Variants in WASF3 observed in about 807,000 individuals in gnomAD.
WASF3 encodes the protein WASP family member 3.
WASF3 carries 11 observed loss-of-function variants against 46.6 expected under a neutral mutation model. The observed-to-expected ratio is 0.24, with a 90% CI of 0.15 to 0.39. The LOEUF (loss-of-function observed/expected upper bound fraction) is 0.39. WASF3 is among the 10% of genes least tolerant of loss of function. WASF3 has a pLI of 1.00. For missense variants in WASF3, 576 were observed against 669.8 expected (o/e 0.86, Z 1.55); for synonymous variants, 242 against 259.7 (o/e 0.93, Z 0.65).
chr13:26,546,320 T>C, the WASF3 span, among the ~76,000 whole-genome samples: 4 of 152,256 alleles, frequency 2.6e-5, no homozygotes, highest in African/African-American at 9.6e-5. Context: ...TCATTTTTGT[T>C]TGTTTGTTTC....
intron 1 of WASF3, among the ~76,000 whole-genome samples, chr13:26,594,094 T>C (rs1215967878): frequency 6.6e-6 from 1 of 152,230 alleles, no homozygotes; most frequent in Non-Finnish European, 1.5e-5. Context: ...AACAAAAGTA[T>C]TCCAATTTAT....
chr13:26,551,827 G>A, the WASF3 span, among the ~76,000 whole-genome samples: 3 of 152,208 alleles, frequency 2.0e-5, no homozygotes, highest in African/African-American at 7.2e-5. Flanking sequence ...TTATCCTGTA[G>A]ACAGTGGGAG....
chr13:26,668,591 G>A (rs960792464), intron 5 of WASF3, among the ~76,000 whole-genome samples: 1 of 152,384 alleles, frequency 6.6e-6, no homozygotes, highest in Middle Eastern at 3.4e-3. Context: ...ATCTCAGGGA[G>A]TGCATAGAAT....
At chr13:26,558,175 G>T (rs1042867936) in intron 1 of WASF3, among the ~76,000 whole-genome samples, 1 of 151,908 alleles carries the variant, frequency 6.6e-6, no homozygotes, top group African/African-American at 2.4e-5. Flanking sequence ...CGTAAGTGGC[G>T]CCCGGGCCTC....
At chr13:26,550,772 G>A in the WASF3 span, among the ~76,000 whole-genome samples, 1 of 152,186 alleles carries the variant, frequency 6.6e-6, no homozygotes, top group African/African-American at 2.4e-5. Flanking sequence ...GGCCAGGATT[G>A]TGTGTCTATT....
intron 1 of WASF3, among the ~76,000 whole-genome samples, chr13:26,574,383 GATTA>G (rs1879729451): frequency 6.6e-6 from 1 of 152,064 alleles, no homozygotes; most frequent in Admixed American, 6.5e-5. Flanking sequence ...AGTTCATAGA[GATTA>G]ATAATGTATT....
intron 1 of WASF3, among the ~76,000 whole-genome samples, chr13:26,589,125 A>T (rs964145546): frequency 6.6e-5 from 10 of 152,320 alleles, no homozygotes; most frequent in Non-Finnish European, 1.2e-4. Flanking sequence ...GAGGTTGAGC[A>T]TTCTTCCATG....
chr13:26,577,100 C>A, intron 1 of WASF3: 1 of 795,408 alleles, frequency 1.3e-6, no homozygotes, highest in Non-Finnish European at 2.2e-6. Flanking sequence ...GTGAGTCTTG[C>A]TGATTTGCAG....
intron 2 of WASF3, among the ~76,000 whole-genome samples, chr13:26,636,396 G>T (rs572673462): frequency 6.6e-6 from 1 of 152,332 alleles, no homozygotes; most frequent in Admixed American, 6.5e-5. Context: ...GAAGTGCCCT[G>T]TTTTTCCAGG....
intron 1 of WASF3, among the ~76,000 whole-genome samples, chr13:26,574,892 A>G (rs1879747264): frequency 6.7e-6 from 1 of 149,134 alleles, no homozygotes; most frequent in African/African-American, 2.5e-5. Flanking sequence ...GCTGGAGTGC[A>G]GTGGTGCGAT....
At position 26,687,812 on chromosome 13, in the gene WASF3, T is replaced by G. The variant is rs944121865; in HGVS notation, c.*1967T>G. The G allele has an allele frequency of 1.3e-5, 2 of 152,088 alleles. No individual in the cohort carries two copies. The highest frequency in any genetic ancestry group is 2.9e-5 in the Non-Finnish European group (2 of 68,020). 9.4% of individuals were successfully genotyped at this position (152,088 alleles called of 1,614,324 possible). On this transcript the variant is annotated 3_prime_UTR_variant, in exon 10 of 10. Transcript: ENST00000335327. ...GCAACTTTTAAAGTCTTACTTGTCT[T>G]TCTTGTTGCTTTTGTATTAGGAGTT...
Position 26,682,768 on chromosome 13 carries a change from C to T in WASF3, c.1145C>T (p.Pro382Leu), listed in dbSNP as rs1566075323. Residue 382 changes from proline to leucine, a missense_variant, in exon 9 of 10, where the codon CCT becomes CTT. Coordinates refer to ENST00000335327, the MANE Select transcript of WASF3 (RefSeq NM_006646.6). This position sits in a 1 kb window ranked among gnomAD's most constrained non-coding sequence, Gnocchi z 4.4. ...PASASSTHAAPPHPPSTGLLV... is the reference protein window; with the variant it reads ...PASASSTHAALPHPPSTGLLV... Reference sequence around the variant, plus strand: ...TCAGCCAGCTCCACGCACGCAGCTCCTCCTCACCCACCCTCCACCGGGCTC... The same window carrying T: ...TCAGCCAGCTCCACGCACGCAGCTCTTCCTCACCCACCCTCCACCGGGCTC... 2.5e-6 allele frequency: 4 copies of T among 1,612,838 alleles called. No individual in the cohort carries two copies. The highest frequency in any genetic ancestry group is 3.4e-6 in the Non-Finnish European group (4 of 1,180,032).
chr13:26,608,804 A>T (rs1417499162), intron 1 of WASF3, among the ~76,000 whole-genome samples: 1 of 152,252 alleles, frequency 6.6e-6, no homozygotes, highest in South Asian at 2.1e-4. Context: ...TTCATATTCG[A>T]CATTCTTACG....
intron 2 of WASF3, 92 bp from the exon 3 acceptor site, chr13:26,642,169 C>G (rs1882017472): frequency 5.1e-6 from 7 of 1,366,316 alleles, no homozygotes; most frequent in Non-Finnish European, 5.8e-6. Flanking sequence ...AATGAAAATT[C>G]CTGGAAAATA....
the WASF3 span, among the ~76,000 whole-genome samples, chr13:26,540,880 T>G: frequency 6.6e-6 from 1 of 152,196 alleles, no homozygotes; most frequent in Admixed American, 6.5e-5. Context: ...GTAAGATGTT[T>G]GTGTTGGTGC....
chr13:26,666,026 A>T (rs756963217), intron 4 of WASF3, among the ~76,000 whole-genome samples: 8 of 152,264 alleles, frequency 5.3e-5, no homozygotes, highest in South Asian at 2.1e-4. Context: ...TTTATTTTTT[A>T]AAAAAAGTAG....
chr13:26,611,031 C>CTT (rs71080282), intron 1 of WASF3, among the ~76,000 whole-genome samples: 33,190 of 110,270 alleles, frequency 0.3, 5,688 homozygotes, highest in East Asian at 0.53. Flanking sequence ...TTACTTACTC[C>CTT]TTTTTTTTTT....
intron 1 of WASF3, among the ~76,000 whole-genome samples, chr13:26,598,329 T>G (rs975977739): frequency 6.6e-6 from 1 of 152,162 alleles, no homozygotes; most frequent in Admixed American, 6.5e-5. Context: ...TTCTTGTAAA[T>G]TTGTTTGAGT....
Position 26,685,855 on chromosome 13 carries a change from G to A in WASF3, c.*10G>A, listed in dbSNP as rs374018521. ...CGACTGGTCCGACTGAGCAAAGGCC[G>A]GCGGAGAGGCCGCGTGTGGGAGCGT... On this transcript the variant is annotated 3_prime_UTR_variant, in exon 10 of 10. Transcript: ENST00000335327. 80 of 1,608,588 alleles carry A rather than the reference G, an allele frequency of 5.0e-5. No individual in the cohort carries two copies. The highest frequency in any genetic ancestry group is 2.5e-4 in the African/African-American group (19 of 74,970).
Sources: gnomAD v4.1 joint callset for allele counts (sites outside exome capture counted in the v4.1 genomes callset) on GRCh38, gnomAD v4.1.1 for gene constraint, Gnocchi (gnomAD v3.1) non-coding constraint, MANE v1.5 for transcripts, NCBI Gene and HGNC (gene_info 2026-07-23, HGNC 2026-07-21) for gene names.